The following POLN variants were observed in gnomAD, a reference collection of about 807,000 sequenced individuals.
POLN encodes the protein DNA polymerase nu.
In POLN, 108 loss-of-function variants were observed where a neutral mutation model predicts 113.5. That is an observed-to-expected ratio of 0.95 (90% confidence interval 0.81 to 1.12). The LOEUF (loss-of-function observed/expected upper bound fraction) is 1.12, where lower values mean the gene tolerates loss of function less well. Among genes scored for constraint, POLN ranks in the 50% most tolerant of loss-of-function variants. POLN has a pLI of 0.00. For missense variants in POLN, 1,097 were observed against 1,077.1 expected, an observed-to-expected ratio of 1.02 and a Z score of -0.26; for synonymous variants, 386 against 391.5, an observed-to-expected ratio of 0.99 and a Z score of 0.17.
At chr4:2,081,820 C>A (rs1730428606) in intron 21 of POLN, 77 bp from the exon 22 acceptor site, 1 of 1,188,590 alleles carries the variant, frequency 8.4e-7, no homozygotes, top group African/African-American at 1.5e-5. Flanking sequence ...GGGCCAGGTC[C>A]AGAGGCCACA....
intron 13 of POLN, among the ~76,000 whole-genome samples, chr4:2,169,537 A>G (rs537102795): frequency 3.9e-5 from 6 of 152,320 alleles, no homozygotes; most frequent in African/African-American, 1.2e-4. Context: ...TACGTCTGGC[A>G]CGGTCCTAAG....
intron 2 of POLN, chr4:2,232,270 G>A (rs771891572): frequency 2.8e-5 from 14 of 502,272 alleles, no homozygotes; most frequent in Non-Finnish European, 4.8e-5. Flanking sequence ...ATAACTTCCC[G>A]CAATTTTAGC....
At chr4:2,237,798 TA>T (rs1734819237) in intron 2 of POLN, among the ~76,000 whole-genome samples, 2 of 152,232 alleles carry the variant, frequency 1.3e-5, no homozygotes, top group South Asian at 4.1e-4. Flanking sequence ...TAAATAGCTA[TA>T]ATAGTAAACT....
At chr4:2,188,468 G>A (rs189439051) in intron 7 of POLN, among the ~76,000 whole-genome samples, 99 of 152,222 alleles carry the variant, frequency 6.5e-4, no homozygotes, top group Non-Finnish European at 1.2e-3. Flanking sequence ...GGGCCTGGTG[G>A]CGGGCGCCTG....
At chr4:2,080,585 C>T in intron 23 of POLN, 2 of 1,190,048 alleles carry the variant, frequency 1.7e-6, no homozygotes, top group Admixed American at 3.8e-5. Context: ...GTGGCAGCAA[C>T]AGGCAGGGGT....
intron 3 of POLN, among the ~76,000 whole-genome samples, chr4:2,214,545 A>G (rs1734067684): frequency 6.6e-6 from 1 of 152,232 alleles, no homozygotes; most frequent in South Asian, 2.1e-4. Flanking sequence ...AGGAAGAGGC[A>G]ATACACAAAA....
chr4:2,080,000 C>T, intron 23 of POLN: 6 of 985,514 alleles, frequency 6.1e-6, no homozygotes, highest in Non-Finnish European at 7.2e-6. Flanking sequence ...TGGGGCAGTG[C>T]TTAGACCCCC....
intron 19 of POLN, among the ~76,000 whole-genome samples, chr4:2,121,448 A>ATATAT (rs201923056): frequency 5.5e-4 from 69 of 124,822 alleles, no homozygotes; most frequent in Middle Eastern, 4.1e-3. Context: ...AAAAAAAAAA[A>ATATAT]AAAAATATAT....
chr4:2,229,890 T>C (rs1335653821), intron 2 of POLN: 5 of 152,100 alleles, frequency 3.3e-5, no homozygotes, highest in East Asian at 1.9e-4. Context: ...ACACAACGAT[T>C]ATAAGTAACT....
At chr4:2,240,667 G>A in intron 2 of POLN, 4 of 1,613,990 alleles carry the variant, frequency 2.5e-6, no homozygotes, top group South Asian at 1.1e-5. Flanking sequence ...TTATCATCCA[G>A]TCTAGGTGTC....
In POLN at chr4:2,081,110, G is replaced by C. The variant is rs761236703; in HGVS notation, c.2309-74C>G. 3 of 1,609,360 alleles carry C rather than the reference G, an allele frequency of 1.9e-6. No individual in the cohort carries two copies. In the Admixed American group the frequency reaches 5.0e-5, roughly 27 times the overall value. On this transcript the variant is annotated intron_variant, in intron 22 of 25. Coordinates refer to ENST00000511885, the MANE Select transcript of POLN (RefSeq NM_181808.4). ...GGTGCACTCAGCATTCTGCACCATCGCCACAGCTCTCACGGTACCTCCACA... is the reference window on the plus strand; with the variant it reads ...GGTGCACTCAGCATTCTGCACCATCCCCACAGCTCTCACGGTACCTCCACA...
intron 11 of POLN, among the ~76,000 whole-genome samples, chr4:2,172,233 A>C (rs1232038994): frequency 2.6e-5 from 4 of 152,212 alleles, no homozygotes; most frequent in Non-Finnish European, 5.9e-5. Flanking sequence ...GAAAAACAAA[A>C]ACAAAAACAA....
intron 16 of POLN, among the ~76,000 whole-genome samples, chr4:2,155,464 C>T (rs900358434): frequency 6.6e-6 from 1 of 152,330 alleles, no homozygotes; most frequent in South Asian, 2.1e-4. Context: ...GCCTCTCTTC[C>T]TCTTCCTCAC....
At chr4:2,092,574 C>T (rs1298331470) in intron 20 of POLN, among the ~76,000 whole-genome samples, 1 of 152,218 alleles carries the variant, frequency 6.6e-6, no homozygotes, top group Non-Finnish European at 1.5e-5. Flanking sequence ...CACACAGACC[C>T]TGCACCTTCT....
intron 19 of POLN, among the ~76,000 whole-genome samples, chr4:2,096,722 G>C (rs887293723): frequency 6.8e-6 from 1 of 146,664 alleles, no homozygotes; most frequent in Admixed American, 6.7e-5. Context: ...GAGAGAGAGA[G>C]AGAGAGAGAC....
Position 2,131,265 on chromosome 4 carries a change from G to A in POLN, c.1757C>T (p.Pro586Leu). The A allele has an allele frequency of 6.3e-7, 1 of 1,592,838 alleles. No individual in the cohort carries two copies. The highest frequency in any genetic ancestry group is 8.6e-7 in the Non-Finnish European group (1 of 1,162,178). ...ATTCTTAGGTGTAGTAATCTGAATT[G>A]GGTGCTTGGAGATACCTTGGATATT... ...HPNIQGISKH[P>L]IQITTPKNFK... The change falls in exon 17 of 26, where the codon CCA (proline) becomes CTA (leucine). Residue 586 changes from proline to leucine, a missense_variant. By Grantham distance (98) the Pro-to-Leu change is moderately conservative (BLOSUM62 -3). Transcript: ENST00000511885.
chr4:2,240,888 T>C, intron 2 of POLN: 2 of 1,608,492 alleles, frequency 1.2e-6, no homozygotes, highest in South Asian at 1.1e-5. Flanking sequence ...ATTAAGATTA[T>C]CAGCTTTGGG....
At chr4:2,176,400 T>G (rs6599412) in intron 8 of POLN, 66 bp from the exon 9 acceptor site, 188,428 of 1,226,558 alleles carry the variant, frequency 0.15, 25,764 homozygotes, top group African/African-American at 0.66. Context: ...CCACAGTCTG[T>G]AACTGACATG....
chr4:2,201,334 T>C (rs950239983), intron 5 of POLN, among the ~76,000 whole-genome samples: 4 of 60,578 alleles, frequency 6.6e-5, no homozygotes, highest in African/African-American at 2.2e-4. Context: ...GAAATAGATA[T>C]AGATGGCATA....
Sources: allele counts gnomAD v4.1 joint callset (sites outside exome capture counted in the v4.1 genomes callset), GRCh38; gene constraint gnomAD v4.1.1; transcripts MANE v1.5; gene names NCBI Gene and HGNC (gene_info 2026-07-23, HGNC 2026-07-21).